MSI2: variants seen among roughly 807,000 people sequenced by gnomAD.
MSI2 encodes RNA-binding protein Musashi homolog 2.
Under a neutral mutation model 45.6 loss-of-function variants are expected in MSI2, and 17 were observed. That is an observed-to-expected ratio of 0.37 (90% confidence interval 0.26 to 0.56). MSI2 has a LOEUF of 0.56. MSI2 is among the 20% of genes least tolerant of loss of function. The pLI is 0.77. For missense variants in MSI2, 293 were observed against 444.2 expected (o/e 0.66, Z 3.06); for synonymous variants, 156 against 158.2 (o/e 0.99, Z 0.11).
rs187347999 is a variant in MSI2 at position 57,439,183 on chromosome 17, C to T, written c.405+37712C>T. Among the ~76,000 whole-genome samples, 13 of 152,282 alleles carry T rather than the reference C, an allele frequency of 8.5e-5. No individual in the cohort carries two copies. In the East Asian group the frequency reaches 1.9e-3, roughly 23 times the overall value. ...AGGCATGATTTAAGGCACATTTCTC[C>T]GTCCCTCTGGTTGATGCTGGGGAAG... On this transcript the variant is annotated intron_variant, in intron 6 of 13. Coordinates refer to ENST00000284073, the MANE Select transcript of MSI2 (RefSeq NM_138962.4).
In MSI2 at chr17:57,303,306, C is replaced by T. The variant is rs75743200; in HGVS notation, c.312+41114C>T. ...GGAAGGGGAAAAAAAAGTTATGTTACGAAAGAATGGAATTGCACAGCTCGA... is the reference window on the plus strand; with the variant it reads ...GGAAGGGGAAAAAAAAGTTATGTTATGAAAGAATGGAATTGCACAGCTCGA... On this transcript the variant is annotated intron_variant, in intron 5 of 13. Coordinates refer to ENST00000284073, the MANE Select transcript of MSI2 (RefSeq NM_138962.4). 7.5e-3 allele frequency among the ~76,000 whole-genome samples: 1,137 copies of T among 152,234 alleles called. 12 individuals are homozygous for T. Among genetic ancestry groups the T allele is most frequent in the African/African-American group, 0.025 (1,029 of 41,544 alleles).
At chr17:57,610,809 T>A (rs1247566271) in intron 8 of MSI2, among the ~76,000 whole-genome samples, 1 of 94,208 alleles carries the variant, frequency 1.1e-5, no homozygotes, top group East Asian at 2.7e-4. Context: ...CTGAACCCAT[T>A]ACCATGGGGA....
chr17:57,486,229 T>G (rs1341655063), intron 6 of MSI2, among the ~76,000 whole-genome samples: 1 of 152,212 alleles, frequency 6.6e-6, no homozygotes, highest in African/African-American at 2.4e-5. Flanking sequence ...ATACCCTCCC[T>G]CTAATCAACA....
At chr17:57,373,972 G>A (rs191767884) in intron 5 of MSI2, among the ~76,000 whole-genome samples, 5 of 152,190 alleles carry the variant, frequency 3.3e-5, no homozygotes, top group Admixed American at 1.3e-4. Context: ...GGCTTATGGC[G>A]AGGAGGTTGG....
chr17:57,701,222 C>T, the MSI2 span, among the ~76,000 whole-genome samples: 1 of 152,158 alleles, frequency 6.6e-6, no homozygotes, highest in Admixed American at 6.5e-5. Flanking sequence ...GACATCTCCC[C>T]CATTAGGTTG....
At chr17:57,660,371 C>G (rs1435632489) in intron 11 of MSI2, among the ~76,000 whole-genome samples, 1 of 152,174 alleles carries the variant, frequency 6.6e-6, no homozygotes, top group Non-Finnish European at 1.5e-5. Context: ...CCGAATGGCT[C>G]TTTACACGGT....
chr17:57,660,279 G>A (rs905764260), intron 11 of MSI2, among the ~76,000 whole-genome samples: 8 of 152,196 alleles, frequency 5.3e-5, no homozygotes, highest in African/African-American at 1.9e-4. Context: ...GGAATGCTAG[G>A]AAGAGTCCAG....
chr17:57,484,320 C>A (rs1050679559), intron 6 of MSI2, among the ~76,000 whole-genome samples: 2 of 152,198 alleles, frequency 1.3e-5, no homozygotes, highest in African/African-American at 2.4e-5. Context: ...GTACCTCCAC[C>A]CTTGGCTCCT....
At chr17:57,558,369 C>T (rs1424006468) in intron 7 of MSI2, among the ~76,000 whole-genome samples, 10 of 152,042 alleles carry the variant, frequency 6.6e-5, no homozygotes, top group South Asian at 2.1e-4. Flanking sequence ...CAAAGAGGGT[C>T]GGTTCCCCTT....
intron 10 of MSI2, among the ~76,000 whole-genome samples, chr17:57,637,317 G>A (rs932246080): frequency 2.0e-5 from 3 of 152,224 alleles, no homozygotes; most frequent in South Asian, 2.1e-4. Context: ...GAGGCTCGTC[G>A]GGGCTGTGGA....
At chr17:57,622,131 AG>A (rs1431827369) in intron 9 of MSI2, among the ~76,000 whole-genome samples, 1 of 152,234 alleles carries the variant, frequency 6.6e-6, no homozygotes, top group Non-Finnish European at 1.5e-5. Context: ...CGGGAGGCTG[AG>A]GTTGCAGTGA....
intron 6 of MSI2, among the ~76,000 whole-genome samples, chr17:57,526,897 G>A (rs577549583): frequency 1.2e-4 from 18 of 152,238 alleles, no homozygotes; most frequent in African/African-American, 4.3e-4. Flanking sequence ...GGAAAGAGCT[G>A]TATTCTTTAT....
chr17:57,256,699 T>A lies in MSI2; in HGVS notation c.-44T>A, dbSNP rs1906750496. ...GGCCGCCGCTCCGCTCCGATCGCTG[T>A]GGGGCTTGGTTTTTTGGGGGTGGGG... is the stretch of plus-strand genomic sequence containing the variant. On this transcript the variant is annotated 5_prime_UTR_variant, in exon 1 of 14. Coordinates refer to ENST00000284073, the MANE Select transcript of MSI2 (RefSeq NM_138962.4). 1.4e-6 allele frequency: 1 copy of A among 714,450 alleles called. No individual in the cohort carries two copies. Among genetic ancestry groups the A allele is most frequent in the Non-Finnish European group, 1.8e-6 (1 of 567,514 alleles). The allele number at this position is 714,450 out of a possible 1,614,324, so 44.3% of individuals were successfully genotyped here. A position where few individuals can be genotyped will look rare whatever the true frequency, so the allele number is the denominator to read the frequency against.
At chr17:57,651,638 G>T (rs1911157347) in intron 10 of MSI2, among the ~76,000 whole-genome samples, 1 of 152,224 alleles carries the variant, frequency 6.6e-6, no homozygotes. Flanking sequence ...CAAGGTGCCT[G>T]CTCTGTCAAG....
At chr17:57,610,495 C>A (rs1907152687) in intron 8 of MSI2, among the ~76,000 whole-genome samples, 1 of 97,860 alleles carries the variant, frequency 1.0e-5, no homozygotes, top group Non-Finnish European at 2.5e-5. Context: ...GGAGTGTGTG[C>A]AAATGATAAG....
Position 57,460,042 on chromosome 17 carries a change from T to C in MSI2, c.405+58571T>C, listed in dbSNP as rs957942085. Among the ~76,000 whole-genome samples the C allele has an allele frequency of 2.6e-5, 4 of 151,590 alleles. No individual in the cohort carries two copies. In the East Asian group the frequency reaches 7.8e-4, roughly 29 times the overall value. ...TACTCGGGAGGCTGAGACAGGAGAA[T>C]TGCCTGAACCCGGGGGGTGGAGGTT... On this transcript the variant is annotated intron_variant, in intron 6 of 13. Coordinates refer to ENST00000284073, the MANE Select transcript of MSI2 (RefSeq NM_138962.4).
intron 6 of MSI2, among the ~76,000 whole-genome samples, chr17:57,413,560 G>T (rs1462548010): frequency 6.6e-6 from 1 of 151,856 alleles, no homozygotes; most frequent in Admixed American, 6.6e-5. Context: ...GTATCATTTG[G>T]CTGATGTTTG....
chr17:57,558,770 C>G (rs1189836888), intron 7 of MSI2, among the ~76,000 whole-genome samples: 2 of 152,206 alleles, frequency 1.3e-5, no homozygotes, highest in African/African-American at 4.8e-5. Context: ...ATCAAGAACT[C>G]AGAGGTTCAG....
At chr17:57,571,763 A>T (rs994661604) in intron 7 of MSI2, among the ~76,000 whole-genome samples, 4 of 151,952 alleles carry the variant, frequency 2.6e-5, no homozygotes, top group Non-Finnish European at 5.9e-5. Context: ...ACATCCAGAC[A>T]CTCCTCTGTT....
Sources: allele counts gnomAD v4.1 joint callset (sites outside exome capture counted in the v4.1 genomes callset), GRCh38; gene constraint gnomAD v4.1.1; transcripts MANE v1.5; gene names NCBI Gene and HGNC (gene_info 2026-07-23, HGNC 2026-07-21).